Variants in HEATR5B observed in about 807,000 individuals in gnomAD.
HEATR5B encodes HEAT repeat-containing protein 5B.
A neutral mutation model predicts 224.1 loss-of-function variants in HEATR5B; 156 were observed. The observed-to-expected ratio is 0.70, with a 90% CI of 0.61 to 0.80. The LOEUF is 0.80. Ranked by LOEUF, HEATR5B falls within the 30% of genes least tolerant of loss-of-function variation. The pLI is 0.00. For synonymous variants in HEATR5B, 1,027 were observed against 893.0 expected (o/e 1.15, Z -2.68); for missense variants, 2,323 against 2,535.5 (o/e 0.92, Z 1.80).
chr2:37,041,706 C>A (rs1027295941), intron 18 of HEATR5B, among the ~76,000 whole-genome samples: 5 of 152,014 alleles, frequency 3.3e-5, no homozygotes, highest in Non-Finnish European at 5.9e-5. Flanking sequence ...GATCACGCCA[C>A]TGCACTCCAG....
Position 37,065,691 on chromosome 2 carries a change from T to C in HEATR5B, c.1333+64A>G, listed in dbSNP as rs552715497. The C allele has an allele frequency of 3.4e-5, 46 of 1,366,564 alleles. No individual in the cohort carries two copies. In the African/African-American group the frequency reaches 5.2e-4, roughly 15 times the overall value. The allele number at this position is 1,366,564 out of a possible 1,614,324, so 84.7% of individuals were successfully genotyped here. ...GATAAGCAACTAATCAGGAATTAAA[T>C]ATCAATCACACTTATGACTGAAAAA... On this transcript the variant is annotated intron_variant, in intron 9 of 35. Transcript: ENST00000233099.
At chr2:37,023,598 G>A (rs981889729) in intron 24 of HEATR5B, among the ~76,000 whole-genome samples, 3 of 152,002 alleles carry the variant, frequency 2.0e-5, no homozygotes, top group Non-Finnish European at 4.4e-5. Context: ...GTGAAACCTC[G>A]TCTCTACTAA....
intron 31 of HEATR5B, among the ~76,000 whole-genome samples, chr2:37,003,192 C>T (rs948751806): frequency 7.1e-6 from 1 of 140,452 alleles, no homozygotes; most frequent in Non-Finnish European, 1.5e-5. Flanking sequence ...GAGTTTGAGG[C>T]TGCAGTAAGC....
intron 19 of HEATR5B, chr2:37,040,902 CA>C: frequency 2.1e-6 from 1 of 470,896 alleles, no homozygotes; most frequent in Non-Finnish European, 3.7e-6. Flanking sequence ...GAATAATACA[CA>C]ATAAAAAGAA....
chr2:37,068,253 C>T (rs1572929907), intron 8 of HEATR5B, among the ~76,000 whole-genome samples: 1 of 152,170 alleles, frequency 6.6e-6, no homozygotes, highest in Admixed American at 6.5e-5. Context: ...GTACATCTTA[C>T]AGCGGGCTAA....
intron 20 of HEATR5B, among the ~76,000 whole-genome samples, chr2:37,039,381 G>C (rs1300862732): frequency 6.6e-6 from 1 of 151,838 alleles, no homozygotes; most frequent in African/African-American, 2.4e-5. Flanking sequence ...CAGGAGAATC[G>C]CTTGAACTCA....
At chr2:37,054,190 CT>C (rs1670741289) in intron 16 of HEATR5B, among the ~76,000 whole-genome samples, 2 of 93,742 alleles carry the variant, frequency 2.1e-5, no homozygotes, top group Non-Finnish European at 4.1e-5. Flanking sequence ...GATGATTTCT[CT>C]GTTTTTTTTT....
chr2:37,052,338 A>G (rs1405684340), intron 17 of HEATR5B, among the ~76,000 whole-genome samples: 3 of 152,138 alleles, frequency 2.0e-5, no homozygotes, highest in Non-Finnish European at 4.4e-5. Flanking sequence ...GGGATTAGGA[A>G]CCTGATTGCT....
chr2:37,044,854 C>T (rs913084049), intron 18 of HEATR5B, among the ~76,000 whole-genome samples: 3 of 152,136 alleles, frequency 2.0e-5, no homozygotes, highest in Non-Finnish European at 4.4e-5. Context: ...TTTCTCTCTA[C>T]GCCTCATTTT....
chr2:37,050,965 C>T (rs1018323927), intron 17 of HEATR5B, among the ~76,000 whole-genome samples: 1 of 151,970 alleles, frequency 6.6e-6, no homozygotes, highest in Non-Finnish European at 1.5e-5. Flanking sequence ...CACTTGAATC[C>T]GGGAGGCAGA....
At chr2:37,001,109 G>A (rs1462356009) in intron 32 of HEATR5B, among the ~76,000 whole-genome samples, 1 of 151,848 alleles carries the variant, frequency 6.6e-6, no homozygotes, top group Non-Finnish European at 1.5e-5. Context: ...TAATGAAAAC[G>A]AAAAAGGAAG....
chr2:37,035,381 G>A (rs566446787), intron 21 of HEATR5B, among the ~76,000 whole-genome samples: 2 of 152,304 alleles, frequency 1.3e-5, no homozygotes, highest in South Asian at 4.1e-4. Flanking sequence ...TTATATGACT[G>A]TGTATGTGTG....
intron 17 of HEATR5B, among the ~76,000 whole-genome samples, chr2:37,050,660 C>CT (rs891412776): frequency 2.7e-4 from 41 of 152,268 alleles, no homozygotes; most frequent in Admixed American, 7.2e-4. Context: ...ATTTCATACT[C>CT]TTGATGAATA....
chr2:37,053,710 C>T (rs1222384004), intron 16 of HEATR5B, 103 bp from the exon 17 acceptor site: 12 of 588,492 alleles, frequency 2.0e-5, no homozygotes, highest in Non-Finnish European at 3.3e-5. Flanking sequence ...GCAAATAATT[C>T]CCCATGCTAT....
intron 27 of HEATR5B, among the ~76,000 whole-genome samples, chr2:37,011,556 T>C (rs891322813): frequency 3.3e-5 from 5 of 152,242 alleles, no homozygotes; most frequent in Non-Finnish European, 5.9e-5. Context: ...TCTATCTTTG[T>C]AAGTTATAAT....
intron 24 of HEATR5B, among the ~76,000 whole-genome samples, chr2:37,026,290 T>A (rs12104444): frequency 6.6e-6 from 1 of 151,944 alleles, no homozygotes; most frequent in Non-Finnish European, 1.5e-5. Flanking sequence ...ACAGCCCTGC[T>A]GATGCCTTGA....
chr2:37,065,956 G>A, intron 8 of HEATR5B, 46 bp from the exon 9 acceptor site: 1 of 1,549,394 alleles, frequency 6.5e-7, no homozygotes, highest in Non-Finnish European at 8.8e-7. Flanking sequence ...AATGAATTGT[G>A]GTATGATTTT....
chr2:37,018,518 T>C (rs1283448779), intron 26 of HEATR5B, among the ~76,000 whole-genome samples: 2 of 152,232 alleles, frequency 1.3e-5, no homozygotes, highest in East Asian at 3.8e-4. Context: ...TTAATTTCTC[T>C]GAAGACTGCC....
At chr2:37,048,086 T>C (rs1380348439) in intron 18 of HEATR5B, among the ~76,000 whole-genome samples, 1 of 152,108 alleles carries the variant, frequency 6.6e-6, no homozygotes, top group Non-Finnish European at 1.5e-5. Flanking sequence ...CTGATGATAC[T>C]TGCAAACAAC....
Sources: allele counts gnomAD v4.1 joint callset (sites outside exome capture counted in the v4.1 genomes callset), GRCh38; gene constraint gnomAD v4.1.1; transcripts MANE v1.5; gene names NCBI Gene and HGNC (gene_info 2026-07-23, HGNC 2026-07-21).